SMTN: variants seen among roughly 807,000 people sequenced by gnomAD.
The protein encoded by SMTN is smoothelin.
In SMTN, 58 loss-of-function variants were observed where a neutral mutation model predicts 102.0. The ratio of observed to expected loss-of-function variants is 0.57; its 90% CI spans 0.46 to 0.71. The LOEUF is 0.71. Ranked by LOEUF, SMTN falls within the 30% of genes least tolerant of loss-of-function variation. The probability of loss-of-function intolerance (pLI) is 0.00; values close to 1 mark genes in which losing one functional copy is unlikely to be tolerated. For synonymous variants in SMTN, 478 were observed against 497.9 expected, an observed-to-expected ratio of 0.96 and a Z score of 0.53; for missense variants, 1,185 against 1,241.7, an observed-to-expected ratio of 0.95 and a Z score of 0.69.
chr22:31,089,652 G>A (rs374266821), intron 6 of SMTN, 47 bp from the exon 7 acceptor site: 26 of 1,541,600 alleles, frequency 1.7e-5, no homozygotes, highest in South Asian at 1.1e-4. Context: ...TGGGGGTGGC[G>A]TTCAAAGCCT....
upstream of SMTN, among the ~76,000 whole-genome samples, chr22:31,076,536 G>A (rs2042134876): frequency 1.3e-5 from 2 of 152,240 alleles, no homozygotes; most frequent in African/African-American, 4.8e-5. Context: ...CTGCTTTATA[G>A]GGCTGTGGTG....
chr22:31,091,572 G>T (rs1207838767), intron 10 of SMTN, 90 bp downstream of exon 10: 3 of 1,509,496 alleles, frequency 2.0e-6, no homozygotes, highest in Non-Finnish European at 2.7e-6. Flanking sequence ...AGGACTCAGG[G>T]TGTCTCCAAA....
At position 31,095,962 on chromosome 22, in the gene SMTN, C is replaced by T; in HGVS notation, c.1861+353C>T. On this transcript the variant is annotated intron_variant, in intron 13 of 20. Transcript: ENST00000333137. The surrounding 1 kb of genome is among the most constrained non-coding windows in gnomAD (Gnocchi z 4.1). ...GATACTCCTTCTCCCTGCTGCTCCTCTCTCCCTGAAGTCCATTGATGGCCA... is the reference window on the plus strand; with the variant it reads ...GATACTCCTTCTCCCTGCTGCTCCTTTCTCCCTGAAGTCCATTGATGGCCA... The T allele has an allele frequency of 5.5e-6, 2 of 366,570 alleles. No homozygotes were observed. Among genetic ancestry groups the T allele is most frequent in the South Asian group, 2.7e-5 (1 of 37,368 alleles). 22.7% of individuals were successfully genotyped at this position (366,570 alleles called of 1,614,324 possible). A position where few individuals can be genotyped will look rare whatever the true frequency, so the allele number is the denominator to read the frequency against.
intron 1 of SMTN, chr22:31,066,409 G>A (rs1451645127): frequency 6.6e-6 from 1 of 151,900 alleles, no homozygotes; most frequent in Non-Finnish European, 1.5e-5. Flanking sequence ...CCAGATTCAA[G>A]CAATTCTTGT....
Position 31,088,546 on chromosome 22 carries a change from C to T in SMTN, c.234C>T (p.Ala78=). The T allele has an allele frequency of 6.2e-7, 1 of 1,613,690 alleles. No homozygotes were observed. The highest frequency in any genetic ancestry group is 8.5e-7 in the Non-Finnish European group (1 of 1,179,932). The change falls in exon 4 of 21, where the codon GCC becomes GCT. Residue 78 remains alanine (A), a synonymous_variant. Transcript: ENST00000333137. ...AGCGGGAAGCTGAGCAGCGGGCTGC[C>T]CTGGCACGGCTGGCAGGGCAGCTGG... is the stretch of plus-strand genomic sequence containing the variant. ...SQQREAEQRA[A]LARLAGQLES... is the part of the protein sequence containing the mutation.
intron 11 of SMTN, among the ~76,000 whole-genome samples, chr22:31,094,664 GT>G (rs58498250): frequency 0.48 from 67,847 of 141,636 alleles, 16,484 homozygotes; most frequent in Middle Eastern, 0.56. Context: ...TTCCCCTTCT[GT>G]TTTTTTTTTT....
chr22:31,088,776 G>A lies in SMTN; in HGVS notation c.372G>A (p.Glu124=). Residue 124 remains glutamate (E), a splice_region_variant and synonymous_variant, in exon 5 of 21, where the codon GAG becomes GAA. Coordinates refer to ENST00000333137, the MANE Select transcript of SMTN (RefSeq NM_134269.3). Reference sequence around the variant, plus strand: ...GCCGTGTACGGGCTCAGGAGATTGAGGGTATGTGGCCTGTCCCGGCCCCAC... The same window carrying A: ...GCCGTGTACGGGCTCAGGAGATTGAAGGTATGTGGCCTGTCCCGGCCCCAC... ...AIRRVRAQEI[E]AATLAGRLYS... 6.2e-7 allele frequency: 1 copy of A among 1,612,520 alleles called. No individual in the cohort carries two copies.
At chr22:31,074,937 C>T (rs1352275834) in intron 1 of SMTN, among the ~76,000 whole-genome samples, 1 of 152,236 alleles carries the variant, frequency 6.6e-6, no homozygotes, top group Admixed American at 6.5e-5. Context: ...TATTTTATTA[C>T]ACCCAAGGTG....
intron 1 of SMTN, chr22:31,082,896 C>T (rs1330434726): frequency 1.9e-6 from 3 of 1,547,982 alleles, no homozygotes; most frequent in Non-Finnish European, 2.6e-6. Flanking sequence ...GGTCCCTGCC[C>T]TCCCTGTTTT....
intron 19 of SMTN, 78 bp from the exon 20 acceptor site, chr22:31,100,807 C>A: frequency 1.4e-6 from 1 of 714,326 alleles, no homozygotes; most frequent in Non-Finnish European, 2.4e-6. Context: ...TTCTCTGCCT[C>A]TTCCCTCTCT....
In SMTN at chr22:31,088,190, G is replaced by A. The variant is rs140188113; in HGVS notation, c.200+77G>A. On this transcript the variant is annotated intron_variant, in intron 3 of 20. Coordinates refer to ENST00000333137, the MANE Select transcript of SMTN (RefSeq NM_134269.3). ...GCTCAGCTCATGTGTGCAGGCAGGC[G>A]TGAGCACAAGTGTATCTGTGGATTG... 199 of 1,436,334 alleles carry A rather than the reference G, an allele frequency of 1.4e-4. No individual in the cohort carries two copies. In the East Asian group the frequency reaches 3.7e-3, roughly 27 times the overall value. 89.0% of individuals were successfully genotyped at this position (1,436,334 alleles called of 1,614,324 possible). A position where few individuals can be genotyped will look rare whatever the true frequency, so the allele number is the denominator to read the frequency against.
In SMTN at chr22:31,087,758, C is replaced by T. The variant is rs576262404; in HGVS notation, c.52-207C>T. 1.0e-5 allele frequency: 5 copies of T among 490,588 alleles called. No individual in the cohort carries two copies. The East Asian group carries it at 1.6e-4, about 16-fold the overall frequency. 30.4% of individuals were successfully genotyped at this position (490,588 alleles called of 1,614,324 possible). ...TCACAGTTGTGTGCTCTGTGAACCA[C>T]AATGCAAAGTGGACTACCCAAGATC... On this transcript the variant is annotated intron_variant, in intron 2 of 20. Coordinates refer to ENST00000333137, the MANE Select transcript of SMTN (RefSeq NM_134269.3).
chr22:31,095,611 T>C lies in SMTN; in HGVS notation c.1861+2T>C. 6.2e-7 allele frequency: 1 copy of C among 1,611,360 alleles called. No individual in the cohort carries two copies. The highest frequency in any genetic ancestry group is 8.5e-7 in the Non-Finnish European group (1 of 1,178,852). On this transcript the variant is annotated splice_donor_variant, in intron 13 of 20. Coordinates refer to ENST00000333137, the MANE Select transcript of SMTN (RefSeq NM_134269.3). LOFTEE classifies it high-confidence loss of function. This position sits in a 1 kb window ranked among gnomAD's most constrained non-coding sequence, Gnocchi z 4.1. ...GTGAGCTCCGACAAAGGAAGAGAGG[T>C]AGAGAGCCAGTTGCCCTACCCTAGA...
At chr22:31,087,604 GC>G (rs760174682) in intron 2 of SMTN, among the ~76,000 whole-genome samples, 2 of 152,202 alleles carry the variant, frequency 1.3e-5, no homozygotes, top group Admixed American at 6.5e-5. Flanking sequence ...CCACAGGGTG[GC>G]CTCCCTCCTC....
At chr22:31,078,882 A>AAAAT (rs1212121037), upstream of SMTN, among the ~76,000 whole-genome samples, 3 of 151,986 alleles carry the variant, frequency 2.0e-5, no homozygotes, top group Non-Finnish European at 2.9e-5. Flanking sequence ...TGTCTCCAAA[A>AAAAT]AAAATAAAAT....
intron 2 of SMTN, chr22:31,085,211 C>T: frequency 6.5e-7 from 1 of 1,535,138 alleles, no homozygotes; most frequent in Non-Finnish European, 8.7e-7. Flanking sequence ...TGGTTTCTTC[C>T]CTTTAGATCC....
intron 16 of SMTN, among the ~76,000 whole-genome samples, chr22:31,098,183 G>A (rs2043752543): frequency 6.6e-6 from 1 of 152,222 alleles, no homozygotes; most frequent in Non-Finnish European, 1.5e-5. Flanking sequence ...TCAAGTTCTA[G>A]TTCCGCCCAT....
chr22:31,085,160 G>C (rs2147596718), intron 2 of SMTN: 1 of 1,535,528 alleles, frequency 6.5e-7, no homozygotes, highest in Non-Finnish European at 8.7e-7. Flanking sequence ...TCCCGAGTTC[G>C]AGTTCGACCT....
At chr22:31,082,481 C>T (rs184902422) in intron 1 of SMTN, 4 of 474,950 alleles carry the variant, frequency 8.4e-6, no homozygotes, top group Admixed American at 7.0e-5. Context: ...CCTCCTTGCT[C>T]AGTGACAAAT....
Sources: gnomAD v4.1 joint callset for allele counts (sites outside exome capture counted in the v4.1 genomes callset) on GRCh38, gnomAD v4.1.1 for gene constraint, Gnocchi (gnomAD v3.1) non-coding constraint, MANE v1.5 for transcripts, NCBI Gene and HGNC (gene_info 2026-07-23, HGNC 2026-07-21) for gene names.